ONECUT3: variants seen among roughly 807,000 people sequenced by gnomAD.
ONECUT3 encodes one cut domain family member 3.
ONECUT3 carries 11 observed loss-of-function variants against 16.8 expected under a neutral mutation model. That is an observed-to-expected ratio of 0.66 (90% CI 0.41 to 1.09). The LOEUF (loss-of-function observed/expected upper bound fraction) is 1.09, where lower values mean the gene tolerates loss of function less well. Among genes scored for constraint, ONECUT3 ranks in the 50% least tolerant of loss-of-function variants. The pLI is 0.00. For missense variants in ONECUT3, 637 were observed against 629.9 expected, an observed-to-expected ratio of 1.01 and a Z score of -0.12; for synonymous variants, 344 against 310.7, an observed-to-expected ratio of 1.11 and a Z score of -1.13.
intron 1 of ONECUT3, among the ~76,000 whole-genome samples, chr19:1,774,036 C>G (rs527562511): frequency 6.6e-6 from 1 of 152,288 alleles, no homozygotes; most frequent in African/African-American, 2.4e-5. Flanking sequence ...GAAGGGTGAC[C>G]TGCTCATCTG....
Position 1,755,077 on chromosome 19 carries a change from C to G in ONECUT3, c.1192+223C>G, listed in dbSNP as rs987463534. 3.3e-5 allele frequency among the ~76,000 whole-genome samples: 5 copies of G among 152,200 alleles called. No homozygotes were observed. The highest frequency in any genetic ancestry group is 4.8e-5 in the African/African-American group (2 of 41,458). ...GGGATTGTGCCGCCTCCCCGCCCCC[C>G]GGTCGCCGCTTCTGCCCCTTTCGGG... On this transcript the variant is annotated intron_variant, in intron 1 of 1. Coordinates refer to ENST00000382349, the MANE Select transcript of ONECUT3 (RefSeq NM_001080488.2). The surrounding 1 kb of genome is among the most constrained non-coding windows in gnomAD (Gnocchi z 7.5).
At chr19:1,775,015 G>C (rs556459752) in intron 1 of ONECUT3, 138 bp from the exon 2 acceptor site, 24 of 582,076 alleles carry the variant, frequency 4.1e-5, no homozygotes, top group Non-Finnish European at 6.5e-5. Flanking sequence ...GGGACCTTAT[G>C]TGCATTCGCC....
rs2067932426 is a variant in ONECUT3, at chr19:1,758,973, AAAG to A, written c.1192+4123_1192+4125del. Among the ~76,000 whole-genome samples the A allele has an allele frequency of 6.6e-6, 1 of 152,166 alleles. No individual in the cohort carries two copies. Among genetic ancestry groups the A allele is most frequent in the African/African-American group, 2.4e-5 (1 of 41,448 alleles). On this transcript the variant is annotated intron_variant, in intron 1 of 1. Transcript: ENST00000382349. This position sits in a 1 kb window ranked among gnomAD's most constrained non-coding sequence, Gnocchi z 5.9. ...ATACAAAGTTAGATGGAGGTGGTTG[AAAG>A]AAGGGCCTCATCTCCTCCTGTGGGC...
At chr19:1,772,669 G>A (rs914596774) in intron 1 of ONECUT3, among the ~76,000 whole-genome samples, 2 of 147,114 alleles carry the variant, frequency 1.4e-5, no homozygotes, top group African/African-American at 5.0e-5. Context: ...TCCATTTTCT[G>A]GGATATCTGC....
In ONECUT3 at chr19:1,762,087, C is replaced by G. The variant is rs1415011577; in HGVS notation, c.1192+7233C>G. 1.3e-5 allele frequency among the ~76,000 whole-genome samples: 2 copies of G among 152,346 alleles called. No homozygotes were observed. Among genetic ancestry groups the G allele is most frequent in the South Asian group, 2.1e-4 (1 of 4,828 alleles). On this transcript the variant is annotated intron_variant, in intron 1 of 1. Coordinates refer to ENST00000382349, the MANE Select transcript of ONECUT3 (RefSeq NM_001080488.2). The surrounding 1 kb of genome is among the most constrained non-coding windows in gnomAD (Gnocchi z 4.4). ...CTGACCCAGGACCCCCATCCGCCCT[C>G]TGGCAGTCTTGAGCCAGCAACTCCC...
rs1208324188 is a variant in ONECUT3 at position 1,753,523 on chromosome 19, C to G, written c.-140C>G. On this transcript the variant is annotated 5_prime_UTR_variant, in exon 1 of 2. Coordinates refer to ENST00000382349, the MANE Select transcript of ONECUT3 (RefSeq NM_001080488.2). ...CCCCTGCCACATCCTGGTGGCCGCG[C>G]TCGCAGCCGGGCCGGGCCGTGCGCC... The G allele has an allele frequency of 4.1e-6, 1 of 245,148 alleles. No homozygotes were observed. The highest frequency in any genetic ancestry group is 2.3e-5 in the African/African-American group (1 of 42,978). 15.2% of individuals were successfully genotyped at this position (245,148 alleles called of 1,614,324 possible).
intron 1 of ONECUT3, among the ~76,000 whole-genome samples, chr19:1,760,373 C>G (rs1008893227): frequency 6.8e-6 from 1 of 147,450 alleles, no homozygotes; most frequent in Non-Finnish European, 1.5e-5. Flanking sequence ...CGCTTCGGGA[C>G]GAAGTCTTGG....
intron 1 of ONECUT3, 27 bp from the exon 2 acceptor site, chr19:1,775,126 G>GCGC: frequency 8.7e-7 from 1 of 1,143,900 alleles, no homozygotes; most frequent in Non-Finnish European, 1.2e-6. Context: ...TGTCCCGCTC[G>GCGC]CCCGCCCGCC....
rs2068123787 is a variant in ONECUT3 at position 1,777,793 on chromosome 19, G to C, written c.*2348G>C. The C allele has an allele frequency of 6.6e-6, 1 of 152,088 alleles. No homozygotes were observed. Among genetic ancestry groups the C allele is most frequent in the Non-Finnish European group, 1.5e-5 (1 of 68,022 alleles). The allele number at this position is 152,088 out of a possible 1,614,324, so 9.4% of individuals were successfully genotyped here. ...GTGGATCACAAGGTCAGCAGTTCAA[G>C]ACCAGCCTGACCAACATGGTGAAAC... On this transcript the variant is annotated 3_prime_UTR_variant, in exon 2 of 2. Transcript: ENST00000382349.
Position 1,775,142 on chromosome 19 carries a change from C to G in ONECUT3, c.1193-11C>G, listed in dbSNP as rs765657987. On this transcript the variant is annotated splice_polypyrimidine_tract_variant and intron_variant, in intron 1 of 1. Coordinates refer to ENST00000382349, the MANE Select transcript of ONECUT3 (RefSeq NM_001080488.2). ...GTCCCGCTCGCCCGCCCGCCCGCCG[C>G]TCGCCCGCAGCCTGCAAGCGCAAGG... The G allele has an allele frequency of 1.4e-6, 2 of 1,380,486 alleles. No individual in the cohort carries two copies. Among genetic ancestry groups the G allele is most frequent in the African/African-American group, 3.1e-5 (2 of 65,568 alleles). 85.5% of individuals were successfully genotyped at this position (1,380,486 alleles called of 1,614,324 possible).
In ONECUT3 at chr19:1,762,081, C is replaced by T. The variant is rs73919409; in HGVS notation, c.1192+7227C>T. On this transcript the variant is annotated intron_variant, in intron 1 of 1. Transcript: ENST00000382349. This position sits in a 1 kb window ranked among gnomAD's most constrained non-coding sequence, Gnocchi z 4.4. ...TGCAGACTGACCCAGGACCCCCATC[C>T]GCCCTCTGGCAGTCTTGAGCCAGCA... 0.017 allele frequency among the ~76,000 whole-genome samples: 2,642 copies of T among 152,312 alleles called. 82 individuals carry two copies. Among genetic ancestry groups the T allele is most frequent in the African/African-American group, 0.059 (2,463 of 41,574 alleles).
At chr19:1,757,916 C>T (rs974295041) in intron 1 of ONECUT3, among the ~76,000 whole-genome samples, 2 of 152,222 alleles carry the variant, frequency 1.3e-5, no homozygotes, top group Non-Finnish European at 2.9e-5. Context: ...GAGGACTCGC[C>T]GCCCTTTCTA....
intron 1 of ONECUT3, 27 bp from the exon 2 acceptor site, chr19:1,775,126 G>GGGCGCCC: frequency 8.7e-7 from 1 of 1,143,900 alleles, no homozygotes; most frequent in Non-Finnish European, 1.2e-6. Flanking sequence ...TGTCCCGCTC[G>GGGCGCCC]CCCGCCCGCC....
Position 1,766,812 on chromosome 19 carries a change from C to A in ONECUT3, c.1193-8341C>A, listed in dbSNP as rs112257621. Among the ~76,000 whole-genome samples, 8 of 152,154 alleles carry A rather than the reference C, an allele frequency of 5.3e-5. No individual in the cohort carries two copies. Among genetic ancestry groups the A allele is most frequent in the Non-Finnish European group, 8.8e-5 (6 of 67,978 alleles). ...GGTCTTGCAGGCTGGGCTGAGACCC[C>A]CCCCCCATGCTCCACCACCCTCGTG... On this transcript the variant is annotated intron_variant, in intron 1 of 1. Transcript: ENST00000382349. This position sits in a 1 kb window ranked among gnomAD's most constrained non-coding sequence, Gnocchi z 4.0.
In ONECUT3 at chr19:1,759,866, C is replaced by G. The variant is rs538199680; in HGVS notation, c.1192+5012C>G. ...GGAGTGTGGATAGACCGAGACCGTG[C>G]CCAGGGCCACGAGAACCAGACCCAC... On this transcript the variant is annotated intron_variant, in intron 1 of 1. Coordinates refer to ENST00000382349, the MANE Select transcript of ONECUT3 (RefSeq NM_001080488.2). The surrounding 1 kb of genome is among the most constrained non-coding windows in gnomAD (Gnocchi z 4.1). Among the ~76,000 whole-genome samples the G allele has an allele frequency of 3.3e-5, 5 of 152,276 alleles. No individual in the cohort carries two copies. The South Asian group carries it at 8.3e-4, about 25-fold the overall frequency.
chr19:1,755,633 C>T lies in ONECUT3; in HGVS notation c.1192+779C>T, dbSNP rs2067912772. Among the ~76,000 whole-genome samples, 1 of 152,190 alleles carries T rather than the reference C, an allele frequency of 6.6e-6. No homozygotes were observed. Among genetic ancestry groups the T allele is most frequent in the African/African-American group, 2.4e-5 (1 of 41,456 alleles). On this transcript the variant is annotated intron_variant, in intron 1 of 1. Coordinates refer to ENST00000382349, the MANE Select transcript of ONECUT3 (RefSeq NM_001080488.2). This position sits in a 1 kb window ranked among gnomAD's most constrained non-coding sequence, Gnocchi z 7.5. ...CCTGGCTTTGGGGTTTTGTGTCTCTCATGTCCACTTCTCTCCTCTCTCGGT... is the reference window on the plus strand; with the variant it reads ...CCTGGCTTTGGGGTTTTGTGTCTCTTATGTCCACTTCTCTCCTCTCTCGGT...
intron 1 of ONECUT3, among the ~76,000 whole-genome samples, chr19:1,770,280 T>C (rs954342534): frequency 3.9e-5 from 6 of 152,054 alleles, no homozygotes; most frequent in Non-Finnish European, 8.8e-5. Flanking sequence ...TTGTTTTTTG[T>C]TTTTTAATTA....
In ONECUT3 at chr19:1,776,203, C is replaced by T. The variant is rs2068107002; in HGVS notation, c.*758C>T. 6.6e-6 allele frequency: 1 copy of T among 151,496 alleles called. No individual in the cohort carries two copies. The highest frequency in any genetic ancestry group is 2.4e-5 in the African/African-American group (1 of 41,120). 9.4% of individuals were successfully genotyped at this position (151,496 alleles called of 1,614,324 possible). On this transcript the variant is annotated 3_prime_UTR_variant, in exon 2 of 2. Coordinates refer to ENST00000382349, the MANE Select transcript of ONECUT3 (RefSeq NM_001080488.2). This position sits in a 1 kb window ranked among gnomAD's most constrained non-coding sequence, Gnocchi z 4.9. ...CCCAGGCCGCAGGGGACGGGGGGCT[C>T]CCACGTGCGGGTAAATTCCAGACGC... is the stretch of plus-strand genomic sequence containing the variant.
intron 1 of ONECUT3, among the ~76,000 whole-genome samples, chr19:1,765,644 G>A (rs1280123012): frequency 6.6e-6 from 1 of 152,224 alleles, no homozygotes; most frequent in Non-Finnish European, 1.5e-5. Flanking sequence ...TTGCAGGTCC[G>A]TGCTTCGGCG....
Sources: allele counts gnomAD v4.1 joint callset (sites outside exome capture counted in the v4.1 genomes callset), GRCh38; gene constraint gnomAD v4.1.1; non-coding constraint Gnocchi (gnomAD v3.1); transcripts MANE v1.5; gene names NCBI Gene and HGNC (gene_info 2026-07-23, HGNC 2026-07-21).